The following FBXL4 variants were observed in gnomAD, a reference collection of about 807,000 sequenced individuals.
The protein encoded by FBXL4 is F-box/LRR-repeat protein 4.
Under a neutral mutation model 58.9 loss-of-function variants are expected in FBXL4, and 40 were observed. That is an observed-to-expected ratio of 0.68 (90% confidence interval 0.53 to 0.88). The LOEUF (loss-of-function observed/expected upper bound fraction) is 0.88. FBXL4 is among the 40% of genes least tolerant of loss of function. The pLI, the probability that FBXL4 is intolerant of heterozygous loss-of-function variation, is 0.00. For synonymous variants in FBXL4, 263 were observed against 265.5 expected (o/e 0.99, Z 0.09); for missense variants, 676 against 734.4 (o/e 0.92, Z 0.92).
intron 1 of FBXL4, among the ~76,000 whole-genome samples, chr6:98,942,227 C>G (rs1773459389): frequency 6.6e-6 from 1 of 151,278 alleles, no homozygotes; most frequent in Non-Finnish European, 1.5e-5. Flanking sequence ...GAATTAAATA[C>G]TTCAAAAACA....
chr6:98,886,060 C>A (rs1325192091), intron 7 of FBXL4, among the ~76,000 whole-genome samples: 1 of 152,198 alleles, frequency 6.6e-6, no homozygotes, highest in Non-Finnish European at 1.5e-5. Context: ...AGATAACAAC[C>A]TGGCTGCAAC....
intron 2 of FBXL4, among the ~76,000 whole-genome samples, chr6:98,930,577 TC>T (rs1772975629): frequency 6.6e-6 from 1 of 152,194 alleles, no homozygotes; most frequent in African/African-American, 2.4e-5. Context: ...TTATATTACT[TC>T]TTTATTCAAA....
intron 4 of FBXL4, among the ~76,000 whole-genome samples, chr6:98,918,616 T>G (rs912434616): frequency 6.6e-6 from 1 of 152,154 alleles, no homozygotes; most frequent in African/African-American, 2.4e-5. Context: ...GTCAGTTAAC[T>G]ATTTCTCTAA....
At chr6:98,912,946 G>A (rs886798319) in intron 5 of FBXL4, among the ~76,000 whole-genome samples, 6 of 151,862 alleles carry the variant, frequency 4.0e-5, no homozygotes, top group African/African-American at 1.5e-4. Flanking sequence ...CACGTGCAGA[G>A]ACACACATAG....
rs1423876128 is a variant in FBXL4, at chr6:98,870,002, AT to A, written c.*4275del. ...TGCAAAGATAAATAATTATACAAAA[AT>A]TTAAGTCAGTTGTCAAAGCTAACAA... On this transcript the variant is annotated 3_prime_UTR_variant, in exon 10 of 10. Transcript: ENST00000369244. The A allele has an allele frequency of 1.3e-5, 2 of 152,224 alleles. No individual in the cohort carries two copies. Among genetic ancestry groups the A allele is most frequent in the African/African-American group, 4.8e-5 (2 of 41,456 alleles). 9.4% of individuals were successfully genotyped at this position (152,224 alleles called of 1,614,324 possible). A position where few individuals can be genotyped will look rare whatever the true frequency, so the allele number is the denominator to read the frequency against.
intron 5 of FBXL4, among the ~76,000 whole-genome samples, chr6:98,916,707 TA>T (rs1772367748): frequency 2.6e-5 from 4 of 151,460 alleles, no homozygotes; most frequent in African/African-American, 7.3e-5. Flanking sequence ...TTAGGAGATA[TA>T]CCTAATGCTA....
intron 8 of FBXL4, 83 bp downstream of exon 8, chr6:98,880,470 A>G: frequency 9.4e-7 from 1 of 1,060,532 alleles, no homozygotes; most frequent in Non-Finnish European, 1.5e-6. Context: ...TGTGTGGGGT[A>G]GGGTGAGTCA....
At chr6:98,943,855 C>T (rs947158041) in intron 1 of FBXL4, among the ~76,000 whole-genome samples, 3 of 152,270 alleles carry the variant, frequency 2.0e-5, no homozygotes, top group South Asian at 4.1e-4. Context: ...AAAGATACTT[C>T]ATATTCTTTA....
chr6:98,901,211 G>A (rs1562228143), intron 6 of FBXL4, among the ~76,000 whole-genome samples: 1 of 152,128 alleles, frequency 6.6e-6, no homozygotes, highest in African/African-American at 2.4e-5. Context: ...GATGGACAGA[G>A]TAGTCAGAGA....
At chr6:98,901,651 AAT>A (rs1158496992) in intron 6 of FBXL4, among the ~76,000 whole-genome samples, 1 of 152,060 alleles carries the variant, frequency 6.6e-6, no homozygotes, top group Non-Finnish European at 1.5e-5. Flanking sequence ...TCTCTACTTA[AAT>A]TTTCAAAATG....
chr6:98,930,916 A>G (rs1232805476), intron 2 of FBXL4, among the ~76,000 whole-genome samples: 1 of 152,242 alleles, frequency 6.6e-6, no homozygotes, highest in Non-Finnish European at 1.5e-5. Context: ...AAAGAAAAAG[A>G]ATTAACAAGT....
chr6:98,883,894 T>C (rs948386400), intron 7 of FBXL4, among the ~76,000 whole-genome samples: 2 of 151,664 alleles, frequency 1.3e-5, no homozygotes, highest in African/African-American at 2.4e-5. Flanking sequence ...ATGTGAACTT[T>C]AGAATCACCT....
intron 2 of FBXL4, among the ~76,000 whole-genome samples, chr6:98,931,746 A>G (rs1349824699): frequency 1.3e-5 from 2 of 152,200 alleles, no homozygotes; most frequent in Non-Finnish European, 2.9e-5. Context: ...GATGACACAT[A>G]AAAGTGTTTT....
Position 98,875,439 on chromosome 6 carries a change from T to C in FBXL4, c.1678A>G (p.Arg560Gly). Residue 560 changes from arginine (R) to glycine (G), a missense_variant, in exon 9 of 10, where the codon AGG (arginine) becomes GGG (glycine). Arg to Gly is a moderately radical substitution (Grantham distance 125, BLOSUM62 -2). Transcript: ENST00000369244. ...DIDELACNCT[R>G]LQQLDILGTR... ...CCTAATATGTCCAGCTGCTGTAACCTGGTACAATTACATGCCAATTCATCA... is the reference window on the plus strand; with the variant it reads ...CCTAATATGTCCAGCTGCTGTAACCCGGTACAATTACATGCCAATTCATCA... 6.2e-7 allele frequency: 1 copy of C among 1,614,060 alleles called. No homozygotes were observed. The highest frequency in any genetic ancestry group is 1.1e-5 in the South Asian group (1 of 91,088).
chr6:98,937,188 TA>T (rs1336830088), intron 1 of FBXL4, among the ~76,000 whole-genome samples: 2 of 151,874 alleles, frequency 1.3e-5, no homozygotes, highest in Non-Finnish European at 2.9e-5. Context: ...CACACACCTA[TA>T]ATCCCAACTA....
intron 7 of FBXL4, among the ~76,000 whole-genome samples, chr6:98,882,937 G>A (rs1770905281): frequency 6.6e-6 from 1 of 151,968 alleles, no homozygotes; most frequent in Non-Finnish European, 1.5e-5. Flanking sequence ...ATTTATAGAA[G>A]AGTATTTCTC....
chr6:98,909,420 C>T (rs1771944171), intron 5 of FBXL4, among the ~76,000 whole-genome samples: 1 of 152,158 alleles, frequency 6.6e-6, no homozygotes, highest in South Asian at 2.1e-4. Flanking sequence ...TTTGGTCACA[C>T]TGAAATACTG....
At chr6:98,896,196 G>C (rs574298092) in intron 7 of FBXL4, among the ~76,000 whole-genome samples, 1 of 152,256 alleles carries the variant, frequency 6.6e-6, no homozygotes, top group South Asian at 2.1e-4. Context: ...TTTAAAGAGA[G>C]ACCAGTCTCC....
intron 1 of FBXL4, among the ~76,000 whole-genome samples, chr6:98,937,433 A>G (rs1281451547): frequency 6.6e-6 from 1 of 152,240 alleles, no homozygotes; most frequent in African/African-American, 2.4e-5. Flanking sequence ...ATTTATGCTT[A>G]TAATAAAGTA....
Sources: gnomAD v4.1 joint callset for allele counts (sites outside exome capture counted in the v4.1 genomes callset) on GRCh38, gnomAD v4.1.1 for gene constraint, MANE v1.5 for transcripts, NCBI Gene and HGNC (gene_info 2026-07-23, HGNC 2026-07-21) for gene names.